The following HIVEP3 variants were observed in gnomAD, a reference collection of about 807,000 sequenced individuals.
HIVEP3 encodes the protein HIVEP zinc finger 3, also known as transcription factor HIVEP3.
HIVEP3 carries 49 observed loss-of-function variants against 152.8 expected under a neutral mutation model. That is an observed-to-expected ratio of 0.32 (90% confidence interval 0.26 to 0.41). The LOEUF (loss-of-function observed/expected upper bound fraction) is 0.41, where lower values mean the gene tolerates loss of function less well. HIVEP3 is among the 10% of genes least tolerant of loss of function. The pLI is 1.00. For missense variants in HIVEP3, 2,790 were observed against 3,103.3 expected (o/e 0.90, Z 2.40); for synonymous variants, 1,269 against 1,289.0 (o/e 0.98, Z 0.33).
chr1:41,702,544 C>T (rs1646378440), intron 1 of HIVEP3, among the ~76,000 whole-genome samples: 1 of 152,138 alleles, frequency 6.6e-6, no homozygotes, highest in Admixed American at 6.5e-5. Context: ...ACTAAATGAA[C>T]TGATGTACAT....
chr1:41,979,786 C>T (rs1219692737), intron 1 of HIVEP3, among the ~76,000 whole-genome samples: 1 of 152,140 alleles, frequency 6.6e-6, no homozygotes, highest in African/African-American at 2.4e-5. Flanking sequence ...ACTAAATTCC[C>T]TATAGATATT....
In HIVEP3 at chr1:41,509,186, G is replaced by A. The variant is rs993823438; in HGVS notation, c.*1265C>T. On this transcript the variant is annotated 3_prime_UTR_variant, in exon 9 of 9. Coordinates refer to ENST00000372583, the MANE Select transcript of HIVEP3 (RefSeq NM_024503.5). Reference sequence around the variant, plus strand: ...ATCCTCTAGGTCAAAAGAATCTGTGGTGGCTGGGTGAAGTATCAAACACCA... The same window carrying A: ...ATCCTCTAGGTCAAAAGAATCTGTGATGGCTGGGTGAAGTATCAAACACCA... 1.3e-5 allele frequency: 2 copies of A among 152,210 alleles called. No individual in the cohort carries two copies. Among genetic ancestry groups the A allele is most frequent in the African/African-American group, 4.8e-5 (2 of 41,444 alleles). 9.4% of individuals were successfully genotyped at this position (152,210 alleles called of 1,614,324 possible).
intron 1 of HIVEP3, among the ~76,000 whole-genome samples, chr1:41,819,879 A>G (rs1323695225): frequency 1.3e-5 from 2 of 152,192 alleles, no homozygotes; most frequent in South Asian, 2.1e-4. Context: ...AATGCTTTAG[A>G]TCAGGGGTTA....
chr1:41,642,434 C>T (rs185304920), intron 2 of HIVEP3, among the ~76,000 whole-genome samples: 2 of 152,364 alleles, frequency 1.3e-5, no homozygotes, highest in Admixed American at 1.3e-4. Context: ...CCAACCCACA[C>T]CAGCCTGGGT....
chr1:41,859,008 C>T (rs922025494), intron 1 of HIVEP3, among the ~76,000 whole-genome samples: 9 of 152,224 alleles, frequency 5.9e-5, no homozygotes, highest in African/African-American at 2.2e-4. Context: ...CCTGACCCCA[C>T]TGCTTACTGG....
chr1:41,637,099 G>C (rs1411790297), intron 2 of HIVEP3, among the ~76,000 whole-genome samples: 1 of 152,214 alleles, frequency 6.6e-6, no homozygotes, highest in African/African-American at 2.4e-5. Context: ...TAGATGAGGA[G>C]AATCTTTTAA....
intron 1 of HIVEP3, among the ~76,000 whole-genome samples, chr1:41,966,777 G>A (rs911078843): frequency 6.6e-6 from 1 of 151,502 alleles, no homozygotes; most frequent in African/African-American, 2.4e-5. Flanking sequence ...CACCATGCCT[G>A]GCCCAGTGTG....
chr1:41,544,852 C>CCAT (rs1643664434), intron 5 of HIVEP3, among the ~76,000 whole-genome samples: 1 of 100,908 alleles, frequency 9.9e-6, no homozygotes, highest in Non-Finnish European at 2.0e-5. Context: ...ACTACCACCA[C>CCAT]CACCACCACC....
intron 1 of HIVEP3, among the ~76,000 whole-genome samples, chr1:41,769,194 G>T (rs573263406): frequency 6.6e-6 from 1 of 152,312 alleles, no homozygotes; most frequent in Admixed American, 6.5e-5. Context: ...TGTATCAAAA[G>T]CCAGCCACAG....
intron 1 of HIVEP3, among the ~76,000 whole-genome samples, chr1:41,984,003 G>A (rs1219549821): frequency 2.0e-5 from 3 of 152,088 alleles, no homozygotes; most frequent in Admixed American, 1.3e-4. Flanking sequence ...ACAGCATTTC[G>A]CTCTGTTGCC....
chr1:41,601,643 A>C (rs79868055), intron 3 of HIVEP3, among the ~76,000 whole-genome samples: 251 of 152,208 alleles, frequency 1.6e-3, no homozygotes, highest in African/African-American at 5.5e-3. Flanking sequence ...AATACTTTTT[A>C]ATGGCATCTT....
At chr1:41,849,408 C>T (rs1277858869) in intron 1 of HIVEP3, among the ~76,000 whole-genome samples, 1 of 152,210 alleles carries the variant, frequency 6.6e-6, no homozygotes, top group Non-Finnish European at 1.5e-5. Flanking sequence ...CCCAGAAGCA[C>T]ATCCAACAGC....
chr1:41,914,611 G>C (rs1469095975), intron 1 of HIVEP3, among the ~76,000 whole-genome samples: 1 of 152,144 alleles, frequency 6.6e-6, no homozygotes, highest in African/African-American at 2.4e-5. Flanking sequence ...CACATTGTCA[G>C]AGGGTCAGGC....
At chr1:41,856,635 G>A (rs1643774768) in intron 1 of HIVEP3, among the ~76,000 whole-genome samples, 1 of 152,156 alleles carries the variant, frequency 6.6e-6, no homozygotes, top group African/African-American at 2.4e-5. Flanking sequence ...CACACCTTAT[G>A]CCTCATGTTA....
intron 1 of HIVEP3, among the ~76,000 whole-genome samples, chr1:41,875,294 G>A (rs925163175): frequency 6.6e-6 from 1 of 152,186 alleles, no homozygotes; most frequent in African/African-American, 2.4e-5. Context: ...CCCGCTTGGA[G>A]AGTGCTGTTT....
chr1:41,642,890 G>C (rs1421585884), intron 2 of HIVEP3, among the ~76,000 whole-genome samples: 1 of 152,094 alleles, frequency 6.6e-6, no homozygotes, highest in African/African-American at 2.4e-5. Context: ...CAGCTACTCA[G>C]ACTCTGAGTC....
chr1:41,773,676 A>G (rs1166591281), intron 1 of HIVEP3, among the ~76,000 whole-genome samples: 1 of 152,100 alleles, frequency 6.6e-6, no homozygotes, highest in East Asian at 1.9e-4. Context: ...TTGTACTGTT[A>G]CCTCCTCTGA....
chr1:41,559,865 T>TTCATAG (rs1435826785), intron 5 of HIVEP3, among the ~76,000 whole-genome samples: 3 of 152,274 alleles, frequency 2.0e-5, no homozygotes, highest in African/African-American at 7.2e-5. Context: ...CCGTGAGTAC[T>TTCATAG]TCATAGGTAG....
chr1:41,774,808 A>ATTTATTTAT (rs1183301943), intron 1 of HIVEP3, among the ~76,000 whole-genome samples: 1 of 149,748 alleles, frequency 6.7e-6, no homozygotes, highest in African/African-American at 2.5e-5. Context: ...TTATTTATTT[A>ATTTATTTAT]TTTTTTGAGA....
Sources: gnomAD v4.1 joint callset for allele counts (sites outside exome capture counted in the v4.1 genomes callset) on GRCh38, gnomAD v4.1.1 for gene constraint, MANE v1.5 for transcripts, NCBI Gene and HGNC (gene_info 2026-07-23, HGNC 2026-07-21) for gene names.